Variants in SYCP2 observed in about 807,000 individuals in gnomAD.
SYCP2 encodes synaptonemal complex protein 2.
Under a neutral mutation model 211.3 loss-of-function variants are expected in SYCP2, and 55 were observed. That is an observed-to-expected ratio of 0.26 (90% CI 0.21 to 0.33). SYCP2 has a LOEUF of 0.33. SYCP2 is among the 10% of genes least tolerant of loss of function. The pLI, the probability that SYCP2 is intolerant of heterozygous loss-of-function variation, is 1.00. For missense variants in SYCP2, 1,731 were observed against 1,752.0 expected (o/e 0.99, Z 0.21); for synonymous variants, 570 against 555.2 (o/e 1.03, Z -0.37).
At chr20:59,910,573 G>A (rs2060301538) in intron 14 of SYCP2, among the ~76,000 whole-genome samples, 1 of 151,150 alleles carries the variant, frequency 6.6e-6, no homozygotes, top group South Asian at 2.1e-4. Flanking sequence ...TAGAGGCGGG[G>A]TTTCACCATG....
chr20:59,923,005 A>C (rs1232643472), intron 2 of SYCP2, among the ~76,000 whole-genome samples: 1 of 151,904 alleles, frequency 6.6e-6, no homozygotes, highest in African/African-American at 2.4e-5. Context: ...TGAATGCTGA[A>C]ATTAAGGTGA....
rs558318079 is a variant in SYCP2 at position 59,915,270 on chromosome 20, G to C, written c.600-71C>G. 4.0e-6 allele frequency: 5 copies of C among 1,243,114 alleles called. No individual in the cohort carries two copies. In the East Asian group the frequency reaches 1.2e-4, roughly 29 times the overall value. The allele number at this position is 1,243,114 out of a possible 1,614,324, so 77.0% of individuals were successfully genotyped here. A position where few individuals can be genotyped will look rare whatever the true frequency, so the allele number is the denominator to read the frequency against. On this transcript the variant is annotated intron_variant, in intron 9 of 44. Coordinates refer to ENST00000357552, the MANE Select transcript of SYCP2 (RefSeq NM_014258.4). Reference sequence around the variant, plus strand: ...AATAGGAAGTCCACATGTTTAGGAGGAAAAGAAACTTCACAAAAATTTACA... The same window carrying C: ...AATAGGAAGTCCACATGTTTAGGAGCAAAAGAAACTTCACAAAAATTTACA...
chr20:59,877,876 T>C, intron 32 of SYCP2, 132 bp downstream of exon 32: 1 of 696,688 alleles, frequency 1.4e-6, no homozygotes, highest in Non-Finnish European at 2.4e-6. Context: ...GGAGAAAGTG[T>C]GCAAAAGAAG....
intron 2 of SYCP2, among the ~76,000 whole-genome samples, chr20:59,929,490 CCT>C (rs1052757130): frequency 3.3e-5 from 5 of 152,180 alleles, no homozygotes; most frequent in African/African-American, 9.6e-5. Context: ...CTGAAAACTG[CCT>C]CTGTCAGTGT....
At chr20:59,927,628 T>C (rs2060657910) in intron 2 of SYCP2, among the ~76,000 whole-genome samples, 2 of 152,098 alleles carry the variant, frequency 1.3e-5, no homozygotes, top group South Asian at 4.1e-4. Context: ...AACAGGTTAA[T>C]AATTAAGTGA....
At chr20:59,909,877 T>C (rs2060283547) in intron 14 of SYCP2, among the ~76,000 whole-genome samples, 1 of 152,192 alleles carries the variant, frequency 6.6e-6, no homozygotes, top group Non-Finnish European at 1.5e-5. Flanking sequence ...GTGAGGCTAC[T>C]TTATATTGAG....
chr20:59,926,314 G>T (rs187586004), intron 2 of SYCP2, among the ~76,000 whole-genome samples: 1 of 152,024 alleles, frequency 6.6e-6, no homozygotes, highest in Admixed American at 6.6e-5. Flanking sequence ...GAGGCAAGAC[G>T]TCTAAAGTAA....
intron 25 of SYCP2, 127 bp downstream of exon 25, chr20:59,886,576 TTAAG>T: frequency 1.7e-6 from 1 of 588,830 alleles, no homozygotes; most frequent in Non-Finnish European, 2.7e-6. Flanking sequence ...TATAAAAGTA[TTAAG>T]TAACCATGTG....
At chr20:59,876,369 CAAAAA>C (rs765782164) in intron 33 of SYCP2, among the ~76,000 whole-genome samples, 40 of 23,044 alleles carry the variant, frequency 1.7e-3, no homozygotes, top group Non-Finnish European at 2.7e-3. Context: ...GGCTGTGTCT[CAAAAA>C]AAAAAAAAAA....
At chr20:59,900,532 A>G (rs968580586) in intron 17 of SYCP2, among the ~76,000 whole-genome samples, 3 of 152,160 alleles carry the variant, frequency 2.0e-5, no homozygotes, top group Non-Finnish European at 4.4e-5. Flanking sequence ...TTTTAAAGTT[A>G]CTAAACTGAT....
chr20:59,922,337 CA>C, intron 3 of SYCP2, 52 bp downstream of exon 3: 2 of 1,516,710 alleles, frequency 1.3e-6, no homozygotes, highest in Non-Finnish European at 1.8e-6. Flanking sequence ...TATAAGTAAA[CA>C]AAAAGTGATT....
At chr20:59,895,618 T>C (rs755399307) in intron 19 of SYCP2, 21 bp from the exon 20 acceptor site, 9 of 1,605,346 alleles carry the variant, frequency 5.6e-6, no homozygotes, top group East Asian at 2.2e-5. Flanking sequence ...GGACAAGGAT[T>C]GCAGATTTTT....
At chr20:59,870,130 T>C in intron 35 of SYCP2, 147 bp from the exon 36 acceptor site, 1 of 536,522 alleles carries the variant, frequency 1.9e-6, no homozygotes. Flanking sequence ...AATTCATAAC[T>C]AAAAATAAAA....
intron 35 of SYCP2, among the ~76,000 whole-genome samples, chr20:59,871,625 G>A (rs2059453596): frequency 6.6e-6 from 1 of 151,822 alleles, no homozygotes; most frequent in African/African-American, 2.4e-5. Flanking sequence ...AGAAACAAAG[G>A]GATTGGTTCT....
At chr20:59,875,500 T>A in intron 33 of SYCP2, 31 bp from the exon 34 acceptor site, 1 of 1,529,970 alleles carries the variant, frequency 6.5e-7, no homozygotes, top group Non-Finnish European at 8.9e-7. Flanking sequence ...CAAATTATAC[T>A]CAAGTACAAA....
chr20:59,873,601 AAAT>A (rs1252916576), intron 35 of SYCP2, among the ~76,000 whole-genome samples: 3 of 152,160 alleles, frequency 2.0e-5, no homozygotes, highest in Non-Finnish European at 4.4e-5. Flanking sequence ...GTGAAACCAC[AAAT>A]AATGAGAAAC....
At chr20:59,885,248 CAAGT>C (rs1189459968) in intron 26 of SYCP2, 1 of 151,918 alleles carries the variant, frequency 6.6e-6, no homozygotes, top group African/African-American at 2.4e-5. Flanking sequence ...GGTTTCTGAA[CAAGT>C]AAGTGGCATG....
rs559784556 is a variant in SYCP2 at position 59,932,138 on chromosome 20, AGAT to A, written c.-126_-124del. The A allele has an allele frequency of 7.0e-4, 107 of 152,322 alleles. No individual in the cohort carries two copies. The highest frequency in any genetic ancestry group is 2.5e-3 in the African/African-American group (103 of 41,572). 9.4% of individuals were successfully genotyped at this position (152,322 alleles called of 1,614,324 possible). On this transcript the variant is annotated 5_prime_UTR_variant, in exon 2 of 45. Transcript: ENST00000357552. ...TAGCGAGCAACACAGAGAACTAGTAAGATGATGATTGTGTATCTGCAGGCAGAT... is the reference window on the plus strand; with the variant it reads ...TAGCGAGCAACACAGAGAACTAGTAAGATGATTGTGTATCTGCAGGCAGAT...
chr20:59,911,770 A>G lies in SYCP2; in HGVS notation c.952T>C (p.Tyr318His). The part of the protein sequence containing the change: ...FNLGSQTLSF[Y>H]IAGDNDDHQW... Reference sequence around the variant, plus strand: ...CTTACATCATTATCTCCAGCAATGTAGAATGAGAGAGTCTGACTCCCAAGA... The same window carrying G: ...CTTACATCATTATCTCCAGCAATGTGGAATGAGAGAGTCTGACTCCCAAGA... The change falls in exon 14 of 45, where the codon TAC (tyrosine) becomes CAC (histidine). Residue 318 changes from tyrosine to histidine, a missense_variant. Coordinates refer to ENST00000357552, the MANE Select transcript of SYCP2 (RefSeq NM_014258.4). 1.9e-6 allele frequency: 3 copies of G among 1,578,206 alleles called. No homozygotes were observed. The highest frequency in any genetic ancestry group is 2.6e-6 in the Non-Finnish European group (3 of 1,155,926).
Sources: allele counts gnomAD v4.1 joint callset (sites outside exome capture counted in the v4.1 genomes callset), GRCh38; gene constraint gnomAD v4.1.1; transcripts MANE v1.5; gene names NCBI Gene and HGNC (gene_info 2026-07-23, HGNC 2026-07-21).